MILR1: variants seen among roughly 807,000 people sequenced by gnomAD.
The protein encoded by MILR1 is allergin-1.
In MILR1, 31 loss-of-function variants were observed where a neutral mutation model predicts 18.5. The observed-to-expected ratio is 1.68, with a 90% CI of 1.26 to 2.26. MILR1 has a LOEUF of 2.26. Ranked by LOEUF, MILR1 falls within the 30% of genes most tolerant of loss-of-function variation. MILR1 has a pLI of 0.00. For missense variants in MILR1, 257 were observed against 157.4 expected (o/e 1.63, Z -3.38); for synonymous variants, 85 against 56.2 (o/e 1.51, Z -2.30).
intron 4 of MILR1, among the ~76,000 whole-genome samples, chr17:64,459,659 A>G (rs1220522313): frequency 4.6e-5 from 7 of 152,130 alleles, no homozygotes; most frequent in African/African-American, 1.4e-4. Flanking sequence ...TAGGAAAGTC[A>G]TTTCACCTCC....
chr17:64,496,494 C>T, the MILR1 span: 1 of 1,613,092 alleles, frequency 6.2e-7, no homozygotes, highest in Non-Finnish European at 8.5e-7. Context: ...AGCTCTTTGT[C>T]TTGCAAGATT....
chr17:64,451,066 C>A (rs1406603418), intron 2 of MILR1, among the ~76,000 whole-genome samples: 2 of 152,050 alleles, frequency 1.3e-5, no homozygotes, highest in Non-Finnish European at 2.9e-5. Context: ...CAGTCACCAA[C>A]GGTGGGTGAG....
At chr17:64,476,689 T>TA in the MILR1 span, among the ~76,000 whole-genome samples, 1 of 152,024 alleles carries the variant, frequency 6.6e-6, no homozygotes, top group East Asian at 1.9e-4. Context: ...AAAAAAAGCA[T>TA]AAAATAACCA....
rs1199773711 is a variant in MILR1, at chr17:64,465,348, ACT to A, written c.764-99_764-98del. ...ACAGTTTGGGCCATTGGAGCAAGTC[ACT>A]CTCTGTTTCAGAACTTTGAGGGAAT... On this transcript the variant is annotated intron_variant, in intron 5 of 9. Coordinates refer to ENST00000619286, the MANE Select transcript of MILR1 (RefSeq NM_001085423.2). 2.6e-5 allele frequency: 21 copies of A among 799,742 alleles called. No homozygotes were observed. In the African/African-American group the frequency reaches 3.3e-4, roughly 12 times the overall value. 49.5% of individuals were successfully genotyped at this position (799,742 alleles called of 1,614,324 possible). A position where few individuals can be genotyped will look rare whatever the true frequency, so the allele number is the denominator to read the frequency against.
chr17:64,466,519 C>T, intron 7 of MILR1, 21 bp downstream of exon 7: 1 of 1,612,626 alleles, frequency 6.2e-7, no homozygotes, highest in Non-Finnish European at 8.5e-7. Flanking sequence ...TCTGCAGAGT[C>T]TATTCCACTG....
At chr17:64,450,698 G>A (rs2037150440) in intron 2 of MILR1, among the ~76,000 whole-genome samples, 1 of 151,874 alleles carries the variant, frequency 6.6e-6, no homozygotes, top group African/African-American at 2.4e-5. Context: ...TGGCCAGGCT[G>A]TTCTTGAACT....
At chr17:64,492,967 T>G in the MILR1 span, 1 of 1,613,978 alleles carries the variant, frequency 6.2e-7, no homozygotes. Flanking sequence ...AGCAAGGCCA[T>G]AAGGTAGCCT....
chr17:64,497,165 C>T, the MILR1 span: 15 of 653,668 alleles, frequency 2.3e-5, no homozygotes, highest in Non-Finnish European at 3.6e-5. Context: ...TGGCGGACGC[C>T]GGCTCGGATG....
rs1172794467 is a variant in MILR1, at chr17:64,452,809, A to G, written c.310A>G (p.Lys104Glu). 2.1e-6 allele frequency: 1 copy of G among 475,170 alleles called. No individual in the cohort carries two copies. Among genetic ancestry groups the G allele is most frequent in the Non-Finnish European group, 3.9e-6 (1 of 259,016 alleles). 29.4% of individuals were successfully genotyped at this position (475,170 alleles called of 1,614,324 possible). A position where few individuals can be genotyped will look rare whatever the true frequency, so the allele number is the denominator to read the frequency against. Residue 104 changes from lysine to glutamate, a missense_variant, in exon 3 of 10, where the codon AAA becomes GAA. By Grantham distance (56) the Lys-to-Glu change is moderately conservative. Transcript: ENST00000619286. ...EAHESGPYKC[K>E]AQVTSCSKYS... The stretch of plus-strand genomic sequence containing the variant: ...CCATGAATCAGGCCCCTACAAATGC[A>G]AAGCCCAAGTTACCAGCTGTTCAAA...
chr17:64,477,793 G>A, the MILR1 span: 22 of 1,533,938 alleles, frequency 1.4e-5, no homozygotes, highest in Admixed American at 2.6e-4. Flanking sequence ...AATTAGGAGA[G>A]AAGAATATTT....
chr17:64,488,789 G>A, the MILR1 span, among the ~76,000 whole-genome samples: 1 of 151,966 alleles, frequency 6.6e-6, no homozygotes, highest in Non-Finnish European at 1.5e-5. Context: ...TCAATATGGT[G>A]AAACCCTGTC....
rs1247324293 is a variant in MILR1, at chr17:64,456,061, TA to T, written c.368-1329del. Among the ~76,000 whole-genome samples, 261 of 149,502 alleles carry T rather than the reference TA, an allele frequency of 1.7e-3. 4 individuals are homozygous for T. Among genetic ancestry groups the T allele is most frequent in the African/African-American group, 5.7e-3 (235 of 40,932 alleles). On this transcript the variant is annotated intron_variant, in intron 3 of 9. Coordinates refer to ENST00000619286, the MANE Select transcript of MILR1 (RefSeq NM_001085423.2). Reference sequence around the variant, plus strand: ...GTCTCAAAACAGAAAAGAAAGTAAATAAAAAAAAAATTGTTTTTAAGTGTGG... The same window carrying T: ...GTCTCAAAACAGAAAAGAAAGTAAATAAAAAAAAATTGTTTTTAAGTGTGG...
At chr17:64,478,707 C>G in the MILR1 span, among the ~76,000 whole-genome samples, 4 of 151,752 alleles carry the variant, frequency 2.6e-5, no homozygotes, top group African/African-American at 4.8e-5. Context: ...ACCAGCCTGG[C>G]CAACATAGTG....
At chr17:64,468,752 C>G, downstream of MILR1, 1 of 453,906 alleles carries the variant, frequency 2.2e-6, no homozygotes, top group Non-Finnish European at 2.9e-6. Context: ...ATGTCAGCCA[C>G]ATGGGCACTT....
rs1555663702 is a variant in MILR1 at position 64,467,598 on chromosome 17, A to T, written c.1013A>T (p.Tyr338Phe). The T allele has an allele frequency of 6.4e-7, 1 of 1,562,998 alleles. No individual in the cohort carries two copies. The highest frequency in any genetic ancestry group is 1.7e-4 in the Middle Eastern group (1 of 5,982). ...GATTCTTATAAATCTGGATATGTCTATTCTGAACTCAACTTCTGAAATTTA... is the reference window on the plus strand; with the variant it reads ...GATTCTTATAAATCTGGATATGTCTTTTCTGAACTCAACTTCTGAAATTTA... ...ACDSYKSGYV[Y>F]SELNF Residue 338 changes from tyrosine (Y) to phenylalanine (F), a missense_variant, in exon 9 of 10, where the codon TAT becomes TTT. Physicochemically the swap from Tyr to Phe is conservative, Grantham distance 22. Coordinates refer to ENST00000619286, the MANE Select transcript of MILR1 (RefSeq NM_001085423.2).
Position 64,467,313 on chromosome 17 carries a change from A to G in MILR1, c.980-252A>G, listed in dbSNP as rs1295742150. Among the ~76,000 whole-genome samples, 3 of 148,402 alleles carry G rather than the reference A, an allele frequency of 2.0e-5. No homozygotes were observed. In the Admixed American group the frequency reaches 2.0e-4, roughly 10 times the overall value. ...TGGATAGAGACAAGTATCTTGCTATATTGCCCAAGCTGGTCTTGAACTCCT... is the reference window on the plus strand; with the variant it reads ...TGGATAGAGACAAGTATCTTGCTATGTTGCCCAAGCTGGTCTTGAACTCCT... On this transcript the variant is annotated intron_variant, in intron 8 of 9. Coordinates refer to ENST00000619286, the MANE Select transcript of MILR1 (RefSeq NM_001085423.2).
chr17:64,493,923 G>T, the MILR1 span, among the ~76,000 whole-genome samples: 1 of 151,816 alleles, frequency 6.6e-6, no homozygotes, highest in African/African-American at 2.4e-5. Context: ...AAATACTGCC[G>T]CATACATCTT....
the MILR1 span, among the ~76,000 whole-genome samples, chr17:64,474,363 C>A: frequency 6.6e-6 from 1 of 152,044 alleles, no homozygotes; most frequent in South Asian, 2.1e-4. Flanking sequence ...GCGTGAGCCA[C>A]CGTGCCCGGC....
chr17:64,466,364 C>G (rs530870494), intron 6 of MILR1, 78 bp from the exon 7 acceptor site: 30 of 1,205,316 alleles, frequency 2.5e-5, no homozygotes, highest in Non-Finnish European at 3.6e-5. Context: ...ACATTCCAGA[C>G]GCATTGCTGA....
Sources: gnomAD v4.1 joint callset for allele counts (sites outside exome capture counted in the v4.1 genomes callset) on GRCh38, gnomAD v4.1.1 for gene constraint, MANE v1.5 for transcripts, NCBI Gene and HGNC (gene_info 2026-07-23, HGNC 2026-07-21) for gene names.